The following SH3PXD2A variants were observed in gnomAD, a reference collection of about 807,000 sequenced individuals.
The protein encoded by SH3PXD2A is SH3 and PX domains 2A.
SH3PXD2A carries 32 observed loss-of-function variants against 115.2 expected under a neutral mutation model. The ratio of observed to expected loss-of-function variants is 0.28; its 90% CI spans 0.21 to 0.37. SH3PXD2A has a LOEUF of 0.37. SH3PXD2A is among the 10% of genes least tolerant of loss of function. The pLI, the probability that SH3PXD2A is intolerant of heterozygous loss-of-function variation, is 1.00. For missense variants in SH3PXD2A, 1,328 were observed against 1,498.7 expected (o/e 0.89, Z 1.88); for synonymous variants, 610 against 629.1 (o/e 0.97, Z 0.45).
At chr10:103,833,576 C>CT (rs968623510) in intron 1 of SH3PXD2A, among the ~76,000 whole-genome samples, 4 of 152,126 alleles carry the variant, frequency 2.6e-5, no homozygotes, top group African/African-American at 7.2e-5. Context: ...ACAGAGGAAT[C>CT]TTTTTTTAAA....
At chr10:103,705,744 T>A in intron 5 of SH3PXD2A, among the ~76,000 whole-genome samples, 1 of 151,718 alleles carries the variant, frequency 6.6e-6, no homozygotes, top group African/African-American at 2.4e-5. Flanking sequence ...GAGGAGTAGG[T>A]GGTGAAGAGA....
rs2037290719 is a variant in SH3PXD2A, at chr10:103,661,040, A to T, written c.547T>A (p.Ser183Thr). The T allele has an allele frequency of 6.2e-7, 1 of 1,614,024 alleles. No homozygotes were observed. The highest frequency in any genetic ancestry group is 8.5e-7 in the Non-Finnish European group (1 of 1,179,998). ...TCCCCGGCCTGGAGGCTCAGCTCCG[A>T]GTTCTCCTGCTTCTTATAGTTGGAC... ...VVSNYKKQEN[S>T]ELSLQAGEVV... The change falls in exon 8 of 15, where the codon TCG becomes ACG. Residue 183 changes from serine to threonine, a missense_variant. Transcript: ENST00000369774.
chr10:103,759,161 A>C (rs1028939669), intron 3 of SH3PXD2A, among the ~76,000 whole-genome samples: 4 of 152,112 alleles, frequency 2.6e-5, no homozygotes, highest in Admixed American at 2.0e-4. Flanking sequence ...GGGCTGGGAG[A>C]GGAAGGCCCC....
intron 6 of SH3PXD2A, among the ~76,000 whole-genome samples, chr10:103,682,783 C>T (rs922384126): frequency 6.6e-6 from 1 of 151,150 alleles, no homozygotes; most frequent in Non-Finnish European, 1.5e-5. Flanking sequence ...AAACAAACCA[C>T]GAGCCTGGGT....
rs573274664 is a variant in SH3PXD2A, at chr10:103,627,127, C to T, written c.680G>A (p.Arg227Gln). The stretch of plus-strand genomic sequence containing the variant: ...AGAGGTGTTGATGTCGGAGTCATCC[C>T]GAGTACCATTCTGGGCCTCCAGGTA... The part of the protein sequence containing the change: ...ATYLEAQNGT[R>Q]DDSDINTSKT... The change falls in exon 9 of 15, where the codon CGG (arginine) becomes CAG (glutamine). Residue 227 changes from arginine to glutamine, a missense_variant. Coordinates refer to ENST00000369774, the MANE Select transcript of SH3PXD2A (RefSeq NM_001394015.1). The surrounding 1 kb of genome is among the most constrained non-coding windows in gnomAD (Gnocchi z 4.4). 21 of 1,611,966 alleles carry T rather than the reference C, an allele frequency of 1.3e-5. No homozygotes were observed. The highest frequency in any genetic ancestry group is 1.4e-5 in the Non-Finnish European group (17 of 1,178,740).
At chr10:103,642,813 T>C (rs2036974676) in intron 8 of SH3PXD2A, among the ~76,000 whole-genome samples, 1 of 152,302 alleles carries the variant, frequency 6.6e-6, no homozygotes, top group African/African-American at 2.4e-5. Flanking sequence ...GATGCGTACA[T>C]GTACGAGTTT....
Position 103,843,676 on chromosome 10 carries a change from G to T in SH3PXD2A, c.72+11519C>A, listed in dbSNP as rs540049864. 2.0e-5 allele frequency among the ~76,000 whole-genome samples: 3 copies of T among 152,282 alleles called. No homozygotes were observed. In the South Asian group the frequency reaches 6.2e-4, roughly 32 times the overall value. On this transcript the variant is annotated intron_variant, in intron 1 of 14. Coordinates refer to ENST00000369774, the MANE Select transcript of SH3PXD2A (RefSeq NM_001394015.1). The stretch of plus-strand genomic sequence containing the variant: ...AGGGTCACATGGGCAGGTGACCTGG[G>T]GTTTAATTCAGCCCTTTGGGGTTTT...
intron 7 of SH3PXD2A, chr10:103,661,507 T>TCCCTCTCG (rs2037301523): frequency 6.5e-6 from 2 of 309,354 alleles, no homozygotes; most frequent in Admixed American, 1.3e-4. Context: ...CTCTCCGGCC[T>TCCCTCTCG]CCCTCTCGGG....
At chr10:103,853,107 C>G (rs1842911024) in intron 1 of SH3PXD2A, among the ~76,000 whole-genome samples, 1 of 152,168 alleles carries the variant, frequency 6.6e-6, no homozygotes, top group African/African-American at 2.4e-5. Flanking sequence ...ACTCCCTGCC[C>G]CCCCAAACAT....
intron 8 of SH3PXD2A, among the ~76,000 whole-genome samples, chr10:103,650,743 T>TTGTGCCATCCTTC (rs11273532): frequency 0.89 from 135,148 of 152,142 alleles, 60,308 homozygotes; most frequent in East Asian, 1. Flanking sequence ...CCAGAGCAGA[T>TTGTGCCATCCTTC]TGAGTCCTAG....
At chr10:103,732,716 A>G (rs2038335855) in intron 4 of SH3PXD2A, among the ~76,000 whole-genome samples, 1 of 152,204 alleles carries the variant, frequency 6.6e-6, no homozygotes, top group Non-Finnish European at 1.5e-5. Flanking sequence ...CTCTGAGCCC[A>G]CATTGTCTAG....
chr10:103,602,917 C>T lies in SH3PXD2A; in HGVS notation c.2301G>A (p.Ser767=), dbSNP rs199929845. Residue 767 remains serine, a synonymous_variant, in exon 15 of 15, where the codon TCG becomes TCA. Coordinates refer to ENST00000369774, the MANE Select transcript of SH3PXD2A (RefSeq NM_001394015.1). ...RPKPFLNRAE[S]QSQEKMDIST... ...TGATGTCCATCTTCTCTTGGCTCTG[C>T]GACTCTGCTCGGTTTAGGAATGGCT... is the stretch of plus-strand genomic sequence containing the variant. The T allele has an allele frequency of 2.8e-4, 460 of 1,614,130 alleles. No individual in the cohort carries two copies. The highest frequency in any genetic ancestry group is 9.1e-4 in the East Asian group (41 of 44,874).
rs2036232120 is a variant in SH3PXD2A, at chr10:103,602,435, T to C, written c.2783A>G (p.Lys928Arg). 1.2e-6 allele frequency: 2 copies of C among 1,614,038 alleles called. No individual in the cohort carries two copies. Among genetic ancestry groups the C allele is most frequent in the Non-Finnish European group, 1.7e-6 (2 of 1,180,014 alleles). ...QNEGKSDSLE[K>R]IERRVQALNT... ...CAGTGCTTGGACGCGCCTCTCGATCTTCTCCAGGCTGTCTGATTTGCCTTC... is the reference window on the plus strand; with the variant it reads ...CAGTGCTTGGACGCGCCTCTCGATCCTCTCCAGGCTGTCTGATTTGCCTTC... The change falls in exon 15 of 15, where the codon AAG becomes AGG. Residue 928 changes from lysine (K) to arginine (R), a missense_variant. By Grantham distance (26) the Lys-to-Arg change is conservative. Transcript: ENST00000369774.
chr10:103,605,886 G>C lies in SH3PXD2A; in HGVS notation c.1340C>G (p.Pro447Arg). The C allele has an allele frequency of 6.2e-7, 1 of 1,613,952 alleles. No homozygotes were observed. The highest frequency in any genetic ancestry group is 8.5e-7 in the Non-Finnish European group (1 of 1,179,824). ...GGTGTAGTACTCCACCTCAACAGAA[G>C]GGGGCTCTGGTGGCTTTGGCAGTTG... ...GFQLPKPPEPPSVEVEYYTIA... is the reference protein window; with the variant it reads ...GFQLPKPPEPRSVEVEYYTIA... The change falls in exon 14 of 15, where the codon CCT becomes CGT. Residue 447 changes from proline (P) to arginine (R), a missense_variant. This residue lies in a region of SH3PXD2A where 509 missense variants were observed against 628.3 expected (regional missense o/e 0.81). Coordinates refer to ENST00000369774, the MANE Select transcript of SH3PXD2A (RefSeq NM_001394015.1).
intron 8 of SH3PXD2A, among the ~76,000 whole-genome samples, chr10:103,656,227 AAG>A (rs1364488647): frequency 6.6e-6 from 1 of 152,208 alleles, no homozygotes; most frequent in Non-Finnish European, 1.5e-5. Flanking sequence ...GCCTCTGCTG[AAG>A]AGGTTGGTTA....
At chr10:103,741,004 C>T (rs1261044833) in intron 3 of SH3PXD2A, among the ~76,000 whole-genome samples, 1 of 152,206 alleles carries the variant, frequency 6.6e-6, no homozygotes, top group African/African-American at 2.4e-5. Flanking sequence ...ATTTTCATAC[C>T]TATTGAGTAA....
At chr10:103,639,559 A>C (rs187507245) in intron 8 of SH3PXD2A, among the ~76,000 whole-genome samples, 1 of 150,614 alleles carries the variant, frequency 6.6e-6, no homozygotes, top group Non-Finnish European at 1.5e-5. Context: ...GCAGTGAGCC[A>C]AGATCGTGCC....
intron 9 of SH3PXD2A, among the ~76,000 whole-genome samples, chr10:103,625,713 G>A (rs1422291748): frequency 2.6e-5 from 4 of 152,156 alleles, no homozygotes; most frequent in East Asian, 1.9e-4. Flanking sequence ...CCAACATGGC[G>A]AGACCCCGTC....
In SH3PXD2A at chr10:103,680,925, A is replaced by G. The variant is rs1264310502; in HGVS notation, c.427+12103T>C. ...TAGATTAGAAAAAGGTGCTAAAACA[A>G]TAAGTAATGCACATTTCCCCCATGT... On this transcript the variant is annotated intron_variant, in intron 6 of 14. Transcript: ENST00000369774. 2.6e-5 allele frequency among the ~76,000 whole-genome samples: 4 copies of G among 152,228 alleles called. No homozygotes were observed. The East Asian group carries it at 7.7e-4, about 29-fold the overall frequency.
Sources: allele counts gnomAD v4.1 joint callset (sites outside exome capture counted in the v4.1 genomes callset), GRCh38; gene constraint gnomAD v4.1.1; regional missense constraint gnomAD v4.1.1; non-coding constraint Gnocchi (gnomAD v3.1); transcripts MANE v1.5; gene names NCBI Gene and HGNC (gene_info 2026-07-23, HGNC 2026-07-21).